Variants in SREK1 observed in about 807,000 individuals in gnomAD.
SREK1 encodes the protein splicing regulatory glutamic acid and lysine rich protein 1.
Under a neutral mutation model 66.5 loss-of-function variants are expected in SREK1, and 13 were observed. The ratio of observed to expected loss-of-function variants is 0.20; its 90% CI spans 0.13 to 0.31. SREK1 has a LOEUF of 0.31. Among genes scored for constraint, SREK1 ranks in the 10% least tolerant of loss-of-function variants. The pLI is 1.00. For synonymous variants in SREK1, 265 were observed against 263.5 expected (o/e 1.01, Z -0.05); for missense variants, 607 against 769.6 (o/e 0.79, Z 2.50).
At chr5:66,144,658 C>A in intron 1 of SREK1, 121 bp downstream of exon 1, 1 of 1,415,610 alleles carries the variant, frequency 7.1e-7, no homozygotes, top group Non-Finnish European at 9.3e-7. Context: ...CGCCGGCTTA[C>A]CTTGGTGCCC....
intron 3 of SREK1, among the ~76,000 whole-genome samples, chr5:66,160,665 C>T (rs956721888): frequency 2.6e-5 from 4 of 152,116 alleles, no homozygotes; most frequent in Non-Finnish European, 5.9e-5. Context: ...CATGATTTGA[C>T]ATGTTTTAAA....
Position 66,162,104 on chromosome 5 carries a change from G to A in SREK1, c.412-5G>A, listed in dbSNP as rs374216246. The A allele has an allele frequency of 7.3e-5, 117 of 1,600,092 alleles. No individual in the cohort carries two copies. In the South Asian group the frequency reaches 1.1e-3, roughly 16 times the overall value. On this transcript the variant is annotated splice_polypyrimidine_tract_variant and splice_region_variant and intron_variant, in intron 3 of 11. Coordinates refer to ENST00000334121, the MANE Select transcript of SREK1 (RefSeq NM_001077199.3). ...TTCTGTGTGTTTTTTTTCTTCTTTC[G>A]ATAGCTTGGTGTTTCACTTAGCAGT...
chr5:66,159,193 G>A lies in SREK1; in HGVS notation c.296-26G>A. ...AGTTTGTGTGGTGTTTCTGCTTTTT[G>A]TAATGTTTGGAACTTGCCTCTGCAG... On this transcript the variant is annotated intron_variant, in intron 2 of 11. Transcript: ENST00000334121. The A allele has an allele frequency of 1.9e-6, 3 of 1,588,148 alleles. No homozygotes were observed. In the South Asian group the frequency reaches 3.5e-5, roughly 18 times the overall value.
At position 66,153,779 on chromosome 5, in the gene SREK1, T is replaced by C. The variant is rs533561136; in HGVS notation, c.295+183T>C. The C allele has an allele frequency of 1.7e-3, 1,093 of 649,826 alleles. 35 individuals are homozygous for C. In the South Asian group the frequency reaches 0.026, roughly 16 times the overall value. 40.3% of individuals were successfully genotyped at this position (649,826 alleles called of 1,614,324 possible). A position where few individuals can be genotyped will look rare whatever the true frequency, so the allele number is the denominator to read the frequency against. ...ATTAAAATGGTTAATTTATGACATG[T>C]ACATTTGAGGTTTTACAATTTAACA... On this transcript the variant is annotated intron_variant, in intron 2 of 11. Transcript: ENST00000334121.
chr5:66,155,085 T>C (rs1335919651), intron 2 of SREK1, among the ~76,000 whole-genome samples: 1 of 152,214 alleles, frequency 6.6e-6, no homozygotes, highest in Non-Finnish European at 1.5e-5. Flanking sequence ...TGAAACCTGC[T>C]TTATTCCCAT....
intron 1 of SREK1, chr5:66,144,860 C>T: frequency 9.5e-7 from 1 of 1,049,156 alleles, no homozygotes; most frequent in Non-Finnish European, 1.1e-6. Flanking sequence ...CTTAAGATGG[C>T]CGCAGGTGGG....
At position 66,161,633 on chromosome 5, in the gene SREK1, G is replaced by T. The variant is rs115062439; in HGVS notation, c.412-476G>T. Among the ~76,000 whole-genome samples the T allele has an allele frequency of 7.0e-3, 1,071 of 152,284 alleles. 7 individuals are homozygous for T. The highest frequency in any genetic ancestry group is 0.051 in the Middle Eastern group (15 of 294). ...TCATTCAGGCCTGAATTGTAGCGCTGCTGGCTGTAAGTTCAGTGTTAATGA... is the reference window on the plus strand; with the variant it reads ...TCATTCAGGCCTGAATTGTAGCGCTTCTGGCTGTAAGTTCAGTGTTAATGA... On this transcript the variant is annotated intron_variant, in intron 3 of 11. Transcript: ENST00000334121.
At chr5:66,150,638 A>G (rs1743706758) in intron 1 of SREK1, among the ~76,000 whole-genome samples, 1 of 152,146 alleles carries the variant, frequency 6.6e-6, no homozygotes, top group African/African-American at 2.4e-5. Flanking sequence ...AAAAGCTGTT[A>G]AGTAATCCAC....
chr5:66,167,677 A>G (rs921442909), intron 7 of SREK1: 10 of 152,196 alleles, frequency 6.6e-5, no homozygotes, highest in East Asian at 3.8e-4. Context: ...TGACATCTCA[A>G]TTGCAGGGTA....
intron 1 of SREK1, among the ~76,000 whole-genome samples, chr5:66,151,369 TAAAG>T: frequency 6.6e-6 from 1 of 152,260 alleles, no homozygotes; most frequent in South Asian, 2.1e-4. Flanking sequence ...ACACCTAACT[TAAAG>T]GAACAGAAAA....
In SREK1 at chr5:66,178,994, T is replaced by C; in HGVS notation, c.*126T>C. On this transcript the variant is annotated 3_prime_UTR_variant, in exon 12 of 12. Coordinates refer to ENST00000334121, the MANE Select transcript of SREK1 (RefSeq NM_001077199.3). ...AGATAGGATCTAACAGCTTTTCCAG[T>C]TGTTAGATGACTTTGTGGCCATCTT... The C allele has an allele frequency of 7.4e-6, 8 of 1,080,592 alleles. No homozygotes were observed. The highest frequency in any genetic ancestry group is 3.1e-5 in the South Asian group (1 of 32,564). 66.9% of individuals were successfully genotyped at this position (1,080,592 alleles called of 1,614,324 possible).
At chr5:66,171,070 T>A in intron 9 of SREK1, 123 bp downstream of exon 9, 2 of 1,173,256 alleles carry the variant, frequency 1.7e-6, no homozygotes. Flanking sequence ...ATAAGAACAT[T>A]TTCTCCTAAT....
rs2112040307 is a variant in SREK1, at chr5:66,164,815, C to G, written c.919C>G (p.Arg307Gly). The G allele has an allele frequency of 1.2e-6, 2 of 1,614,012 alleles. No homozygotes were observed. Among genetic ancestry groups the G allele is most frequent in the East Asian group, 2.2e-5 (1 of 44,878 alleles). Reference sequence around the variant, plus strand: ...AAAGAGCAATGAAAGAAAAGGCGGTCGATCTCGTTCCCATACTCGCTCAAA... The same window carrying G: ...AAAGAGCAATGAAAGAAAAGGCGGTGGATCTCGTTCCCATACTCGCTCAAA... ...SGKSNERKGG[R>G]SRSHTRSKSR... The change falls in exon 7 of 12, where the codon CGA (arginine) becomes GGA (glycine). Residue 307 changes from arginine (R) to glycine (G), a missense_variant. This residue lies in a region of SREK1 where 112 missense variants were observed against 168.6 expected (regional missense o/e 0.66). Transcript: ENST00000334121.
rs919121582 is a variant in SREK1, at chr5:66,178,200, C to T, written c.1726-519C>T. On this transcript the variant is annotated intron_variant, in intron 11 of 11. Coordinates refer to ENST00000334121, the MANE Select transcript of SREK1 (RefSeq NM_001077199.3). ...TTTTATGTACTGTAATACTGATAGA[C>T]GATTATCATCATCATCAATAACATT... Among the ~76,000 whole-genome samples the T allele has an allele frequency of 6.7e-5, 10 of 150,328 alleles. No individual in the cohort carries two copies. The East Asian group carries it at 8.3e-4, about 13-fold the overall frequency.
At chr5:66,151,350 T>A (rs968009318) in intron 1 of SREK1, among the ~76,000 whole-genome samples, 4 of 152,180 alleles carry the variant, frequency 2.6e-5, no homozygotes, top group African/African-American at 9.6e-5. Context: ...CAAAGCAGGT[T>A]ACATGGCCAC....
chr5:66,180,034 T>G lies in SREK1; in HGVS notation c.*1166T>G, dbSNP rs1369056489. ...TTTTCCTTAAATTGAAGAAAACCCT[T>G]TAGTTGTCTACATTGGATGGCCTTA... On this transcript the variant is annotated 3_prime_UTR_variant, in exon 12 of 12. Coordinates refer to ENST00000334121, the MANE Select transcript of SREK1 (RefSeq NM_001077199.3). 2 of 152,620 alleles carry G rather than the reference T, an allele frequency of 1.3e-5. No homozygotes were observed. Among genetic ancestry groups the G allele is most frequent in the South Asian group, 2.1e-4 (1 of 4,822 alleles). 9.5% of individuals were successfully genotyped at this position (152,620 alleles called of 1,614,324 possible). A position where few individuals can be genotyped will look rare whatever the true frequency, so the allele number is the denominator to read the frequency against.
chr5:66,146,231 A>G (rs1311031942), intron 1 of SREK1, among the ~76,000 whole-genome samples: 1 of 152,150 alleles, frequency 6.6e-6, no homozygotes, highest in Non-Finnish European at 1.5e-5. Flanking sequence ...CATTGGAATC[A>G]ATCAGTAAAA....
chr5:66,145,338 G>T (rs752397342), intron 1 of SREK1, among the ~76,000 whole-genome samples: 1 of 152,060 alleles, frequency 6.6e-6, no homozygotes, highest in Admixed American at 6.5e-5. Flanking sequence ...GGGTTTGTAG[G>T]TTGTTCACAT....
chr5:66,170,699 T>A lies in SREK1; in HGVS notation c.1236T>A (p.Gly412=), dbSNP rs1745563577. ...EKEREKEKER[G]KNKDRDKERE... is the part of the protein sequence containing the mutation. The stretch of plus-strand genomic sequence containing the variant: ...AACGTGAAAAAGAAAAGGAACGGGG[T>A]AAAAACAAAGACCGGGACAAGGAAC... The change falls in exon 9 of 12, where the codon GGT becomes GGA. Residue 412 remains glycine, a synonymous_variant. Coordinates refer to ENST00000334121, the MANE Select transcript of SREK1 (RefSeq NM_001077199.3). 6.2e-7 allele frequency: 1 copy of A among 1,601,618 alleles called. No individual in the cohort carries two copies. Among genetic ancestry groups the A allele is most frequent in the African/African-American group, 1.4e-5 (1 of 72,268 alleles).
Sources: allele counts gnomAD v4.1 joint callset (sites outside exome capture counted in the v4.1 genomes callset), GRCh38; gene constraint gnomAD v4.1.1; regional missense constraint gnomAD v4.1.1; transcripts MANE v1.5; gene names NCBI Gene and HGNC (gene_info 2026-07-23, HGNC 2026-07-21).